Variants in LRP1B observed in about 807,000 individuals in gnomAD.
LRP1B encodes the protein low-density lipoprotein receptor-related protein 1B.
A neutral mutation model predicts 556.6 loss-of-function variants in LRP1B; 217 were observed. The ratio of observed to expected loss-of-function variants is 0.39; its 90% CI spans 0.35 to 0.44. The LOEUF (loss-of-function observed/expected upper bound fraction) is 0.44. LRP1B is among the 20% of genes least tolerant of loss of function. The probability of loss-of-function intolerance (pLI) is 1.00; values close to 1 mark genes in which losing one functional copy is unlikely to be tolerated. For synonymous variants in LRP1B, 2,047 were observed against 1,865.8 expected, an observed-to-expected ratio of 1.10 and a Z score of -2.50; for missense variants, 5,053 against 5,620.8, an observed-to-expected ratio of 0.90 and a Z score of 3.23.
At chr2:140,373,890 A>G (rs1200701730) in intron 68 of LRP1B, among the ~76,000 whole-genome samples, 3 of 152,174 alleles carry the variant, frequency 2.0e-5, no homozygotes, top group South Asian at 2.1e-4. Flanking sequence ...AAATCCTAAG[A>G]CAAATCTGTT....
intron 3 of LRP1B, among the ~76,000 whole-genome samples, chr2:141,373,292 C>T (rs1043610617): frequency 7.2e-5 from 11 of 152,046 alleles, no homozygotes; most frequent in Non-Finnish European, 8.8e-5. Context: ...GAATGTTCCA[C>T]GTGCTAACGA....
chr2:140,429,121 G>C lies in LRP1B; in HGVS notation c.10414+13383C>G, dbSNP rs191671946. 2.0e-5 allele frequency among the ~76,000 whole-genome samples: 3 copies of C among 152,092 alleles called. No individual in the cohort carries two copies. In the East Asian group the frequency reaches 5.8e-4, roughly 30 times the overall value. The stretch of plus-strand genomic sequence containing the variant: ...CCTAATCACCCTTACCCTGCTCAAC[G>C]CCAATATCCAATCCTGCAGCACGCT... On this transcript the variant is annotated intron_variant, in intron 66 of 90. Coordinates refer to ENST00000389484, the MANE Select transcript of LRP1B (RefSeq NM_018557.3).
At chr2:140,791,339 G>A (rs1690112762) in intron 32 of LRP1B, among the ~76,000 whole-genome samples, 1 of 152,060 alleles carries the variant, frequency 6.6e-6, no homozygotes, top group Non-Finnish European at 1.5e-5. Context: ...TGAGGTGGGA[G>A]AATCACCTGA....
intron 1 of LRP1B, among the ~76,000 whole-genome samples, chr2:142,127,939 T>C (rs1707712522): frequency 6.6e-6 from 1 of 152,092 alleles, no homozygotes; most frequent in Admixed American, 6.5e-5. Context: ...GACATTGTTA[T>C]ATGACAAATT....
chr2:140,964,471 G>A lies in LRP1B; in HGVS notation c.2888-12531C>T, dbSNP rs187397287. Reference sequence around the variant, plus strand: ...GTTGTTTCTTGACACATTTTGCTACGGCTGGACCATGATCCGCTTGGTGAC... The same window carrying A: ...GTTGTTTCTTGACACATTTTGCTACAGCTGGACCATGATCCGCTTGGTGAC... On this transcript the variant is annotated intron_variant, in intron 18 of 90. Transcript: ENST00000389484. Among the ~76,000 whole-genome samples the A allele has an allele frequency of 1.9e-3, 291 of 152,162 alleles. 1 individual carries two copies. Among genetic ancestry groups the A allele is most frequent in the African/African-American group, 6.8e-3 (282 of 41,540 alleles).
Position 140,439,306 on chromosome 2 carries a change from G to C in LRP1B, c.10414+3198C>G, listed in dbSNP as rs568417436. 2.6e-5 allele frequency among the ~76,000 whole-genome samples: 4 copies of C among 152,298 alleles called. No homozygotes were observed. The East Asian group carries it at 7.7e-4, about 29-fold the overall frequency. ...AATAAGCAGTGCAACAGCCCTACAA[G>C]AGCAGTCAGCCTCTACAGTCTAATA... On this transcript the variant is annotated intron_variant, in intron 66 of 90. Transcript: ENST00000389484.
At chr2:141,244,859 A>G (rs300362) in intron 5 of LRP1B, among the ~76,000 whole-genome samples, 144,674 of 152,102 alleles carry the variant, frequency 0.95, 68,881 homozygotes, top group Admixed American at 0.97. Context: ...TGGTAACTGC[A>G]TATTTTTCAA....
At chr2:141,138,783 G>A (rs1443183676) in intron 7 of LRP1B, among the ~76,000 whole-genome samples, 2 of 151,848 alleles carry the variant, frequency 1.3e-5, no homozygotes, top group African/African-American at 4.8e-5. Context: ...TTGTCAAGAT[G>A]TCTGTTCTCT....
intron 35 of LRP1B, among the ~76,000 whole-genome samples, chr2:140,768,156 T>C (rs1382101682): frequency 6.6e-6 from 1 of 151,938 alleles, no homozygotes; most frequent in Non-Finnish European, 1.5e-5. Flanking sequence ...TCCAAACATT[T>C]GGTGCAAAAC....
At chr2:141,586,323 TGAGA>T (rs1314985956) in intron 2 of LRP1B, among the ~76,000 whole-genome samples, 1 of 152,158 alleles carries the variant, frequency 6.6e-6, no homozygotes, top group Admixed American at 6.5e-5. Context: ...CTAGTCTTAC[TGAGA>T]TTTTCATTTT....
rs147371945 is a variant in LRP1B at position 141,058,983 on chromosome 2, G to A, written c.1308C>T (p.Ile436=). 7.3e-5 allele frequency: 116 copies of A among 1,593,602 alleles called. 1 individual carries two copies. In the African/African-American group the frequency reaches 1.3e-3, roughly 18 times the overall value. ...TCCCATTAAATCGGTTTATCCTTAC[G>A]ATATTGTAGTTATCAGAATTGGTTG... ...LYATNSDNYN[I]VRINRFNGTD... is the part of the protein sequence containing the mutation. Residue 436 remains isoleucine (I), a synonymous_variant, in exon 9 of 91, where the codon ATC becomes ATT. Transcript: ENST00000389484.
chr2:140,575,421 C>T (rs1230174313), intron 43 of LRP1B, among the ~76,000 whole-genome samples: 2 of 152,120 alleles, frequency 1.3e-5, no homozygotes, highest in South Asian at 2.1e-4. Flanking sequence ...AATGTGTGCT[C>T]ATATCATGGT....
intron 68 of LRP1B, among the ~76,000 whole-genome samples, chr2:140,377,697 A>G (rs1683295933): frequency 6.6e-6 from 1 of 152,194 alleles, no homozygotes; most frequent in South Asian, 2.1e-4. Flanking sequence ...AGGCCTTATT[A>G]TAAATGGATT....
chr2:141,133,909 C>A (rs1031084584), intron 7 of LRP1B, among the ~76,000 whole-genome samples: 1 of 151,962 alleles, frequency 6.6e-6, no homozygotes, highest in African/African-American at 2.4e-5. Flanking sequence ...TGATCAACTC[C>A]ACCTAGATGT....
intron 1 of LRP1B, among the ~76,000 whole-genome samples, chr2:141,922,708 C>T (rs900758712): frequency 1.3e-5 from 2 of 152,076 alleles, no homozygotes; most frequent in African/African-American, 2.4e-5. Flanking sequence ...CAGTAAGGGT[C>T]ATTCACTAGT....
chr2:141,577,387 C>T (rs951483504), intron 2 of LRP1B, among the ~76,000 whole-genome samples: 1 of 152,134 alleles, frequency 6.6e-6, no homozygotes, highest in South Asian at 2.1e-4. Flanking sequence ...TACTCTTCTT[C>T]GTTTAGCCCA....
chr2:140,233,235 T>C lies in LRP1B; in HGVS notation c.13751A>G (p.Glu4584Gly). The change falls in exon 91 of 91, where the codon GAA (glutamate) becomes GGA (glycine). Residue 4584 changes from glutamate (E) to glycine (G), a missense_variant. Glu to Gly is a moderately conservative substitution (Grantham distance 98). Coordinates refer to ENST00000389484, the MANE Select transcript of LRP1B (RefSeq NM_018557.3). ...NSLGSVDERK[E>G]LLPKKIEIGI... ...AATTTCTATTTTCTTTGGAAGCAGT[T>C]CTTTCCTTTCATCAACACTTCCTAA... 6.2e-7 allele frequency: 1 copy of C among 1,606,026 alleles called. No homozygotes were observed. Among genetic ancestry groups the C allele is most frequent in the Non-Finnish European group, 8.5e-7 (1 of 1,174,630 alleles).
At chr2:140,390,684 A>G (rs1324417271) in intron 66 of LRP1B, among the ~76,000 whole-genome samples, 1 of 152,044 alleles carries the variant, frequency 6.6e-6, no homozygotes, top group Non-Finnish European at 1.5e-5. Flanking sequence ...TATCACATAC[A>G]TATCTTAGAA....
chr2:140,532,157 T>C (rs1363518769), intron 47 of LRP1B, among the ~76,000 whole-genome samples: 1 of 152,094 alleles, frequency 6.6e-6, no homozygotes, highest in Non-Finnish European at 1.5e-5. Flanking sequence ...CCATCCTTAT[T>C]GTCTTATCCC....
Sources: gnomAD v4.1 joint callset for allele counts (sites outside exome capture counted in the v4.1 genomes callset) on GRCh38, gnomAD v4.1.1 for gene constraint, MANE v1.5 for transcripts, NCBI Gene and HGNC (gene_info 2026-07-23, HGNC 2026-07-21) for gene names.